Variants in NAT10 observed in about 807,000 individuals in gnomAD.
NAT10 encodes RNA cytidine acetyltransferase.
NAT10 carries 109 observed loss-of-function variants against 132.2 expected under a neutral mutation model. That is an observed-to-expected ratio of 0.82 (90% CI 0.71 to 0.97). NAT10 has a LOEUF of 0.97. Among genes scored for constraint, NAT10 ranks in the 50% least tolerant of loss-of-function variants. NAT10 has a pLI of 0.00. For missense variants in NAT10, 1,184 were observed against 1,263.4 expected (o/e 0.94, Z 0.95); for synonymous variants, 479 against 478.0 (o/e 1.00, Z -0.03).
chr11:34,132,012 C>T (rs1449053018), intron 14 of NAT10, 113 bp from the exon 15 acceptor site: 2 of 799,450 alleles, frequency 2.5e-6, no homozygotes. Flanking sequence ...TGTGTTTCTG[C>T]TTAGGACACT....
rs187394050 is a variant in NAT10 at position 34,140,065 on chromosome 11, C to A, written c.2420-335C>A. 8.5e-5 allele frequency among the ~76,000 whole-genome samples: 13 copies of A among 152,342 alleles called. No individual in the cohort carries two copies. The Middle Eastern group carries it at 0.01, about 120-fold the overall frequency. On this transcript the variant is annotated intron_variant, in intron 23 of 28. Transcript: ENST00000257829. ...TATCTTGAGCTGGGCAGAGCTTACA[C>A]ACTTTCTGTGACACCAAATGAAGTG...
chr11:34,110,799 A>G (rs1233632954), intron 3 of NAT10, among the ~76,000 whole-genome samples: 5 of 152,056 alleles, frequency 3.3e-5, no homozygotes, highest in Admixed American at 3.3e-4. Flanking sequence ...GATTCTGCCT[A>G]AAGGAAACCA....
At chr11:34,118,066 T>C in intron 6 of NAT10, 114 bp from the exon 7 acceptor site, 1 of 793,724 alleles carries the variant, frequency 1.3e-6, no homozygotes, top group Non-Finnish European at 2.0e-6. Context: ...TTTAGCTTTT[T>C]CTGGCTTTCT....
rs200149938 is a variant in NAT10 at position 34,146,162 on chromosome 11, A to T, written c.3048A>T (p.Lys1016Asn). The stretch of plus-strand genomic sequence containing the variant: ...TGAAGAACAGAGAGACAAAGAACAA[A>T]AAAGATATGAAACTGAAGCGGAAGA... ...KKLKNRETKN[K>N]KDMKLKRKK Residue 1016 changes from lysine (K) to asparagine (N), a missense_variant, in exon 29 of 29, where the codon AAA (lysine) becomes AAT (asparagine). Coordinates refer to ENST00000257829, the MANE Select transcript of NAT10 (RefSeq NM_024662.3). The T allele has an allele frequency of 2.6e-5, 42 of 1,608,934 alleles. No homozygotes were observed. The East Asian group carries it at 8.9e-4, about 34-fold the overall frequency.
At chr11:34,115,339 C>T (rs1481625595) in intron 5 of NAT10, among the ~76,000 whole-genome samples, 1 of 152,198 alleles carries the variant, frequency 6.6e-6, no homozygotes, top group Non-Finnish European at 1.5e-5. Flanking sequence ...TAGCTACCTA[C>T]TTACCCTTCA....
At chr11:34,134,195 C>T in intron 16 of NAT10, 124 bp from the exon 17 acceptor site, 1 of 777,728 alleles carries the variant, frequency 1.3e-6, no homozygotes, top group East Asian at 2.5e-5. Context: ...GTGTCAGTGT[C>T]AGGGTTAAAC....
At chr11:34,139,560 T>C in intron 23 of NAT10, 65 bp downstream of exon 23, 1 of 1,429,008 alleles carries the variant, frequency 7.0e-7, no homozygotes, top group South Asian at 1.2e-5. Context: ...GTGGGTGTGG[T>C]GTCCTAGGAA....
In NAT10 at chr11:34,131,480, TCAA is replaced by T; in HGVS notation, c.1472_1474del (p.Asn491del). 2.5e-6 allele frequency: 4 copies of T among 1,614,050 alleles called. No homozygotes were observed. Among genetic ancestry groups the T allele is most frequent in the Non-Finnish European group, 3.4e-6 (4 of 1,180,002 alleles). ...AATGACTTGCTGTGCCTGGATTGCCTCAACATCACTCGGATAGTCTCAGGCTGC... is the reference window on the plus strand; with the variant it reads ...AATGACTTGCTGTGCCTGGATTGCCTCATCACTCGGATAGTCTCAGGCTGC... On this transcript the variant is annotated inframe_deletion, in exon 14 of 29. Transcript: ENST00000257829.
intron 9 of NAT10, 131 bp downstream of exon 9, chr11:34,122,723 C>G: frequency 8.1e-7 from 1 of 1,235,124 alleles, no homozygotes; most frequent in Non-Finnish European, 1.1e-6. Flanking sequence ...TGTGATTTCT[C>G]TAGGTCTTGA....
At position 34,108,865 on chromosome 11, in the gene NAT10, C is replaced by A. The variant is rs1346112080; in HGVS notation, c.200+32C>A. On this transcript the variant is annotated intron_variant, in intron 3 of 28. Coordinates refer to ENST00000257829, the MANE Select transcript of NAT10 (RefSeq NM_024662.3). ...TGGGCTCTTCATGTGTTTTATCCAACTTACAATTCCTGCTCATTAGTTAAA... is the reference window on the plus strand; with the variant it reads ...TGGGCTCTTCATGTGTTTTATCCAAATTACAATTCCTGCTCATTAGTTAAA... The A allele has an allele frequency of 3.8e-6, 6 of 1,559,852 alleles. No individual in the cohort carries two copies. The African/African-American group carries it at 5.5e-5, about 14-fold the overall frequency.
At chr11:34,143,181 A>T (rs185998677) in intron 27 of NAT10, among the ~76,000 whole-genome samples, 2 of 152,298 alleles carry the variant, frequency 1.3e-5, no homozygotes, top group African/African-American at 4.8e-5. Context: ...CCTTCTGTGC[A>T]GGACTGTCCT....
At chr11:34,123,640 C>T in intron 9 of NAT10, 122 bp from the exon 10 acceptor site, 1 of 685,664 alleles carries the variant, frequency 1.5e-6, no homozygotes. Context: ...GACTTTTTCC[C>T]TTGCTGTTAC....
intron 3 of NAT10, 73 bp from the exon 4 acceptor site, chr11:34,111,979 C>T: frequency 6.4e-7 from 1 of 1,568,572 alleles, no homozygotes; most frequent in South Asian, 1.2e-5. Flanking sequence ...ATCACTGAGC[C>T]TTTCCCCTGG....
chr11:34,146,255 T>C lies in NAT10; in HGVS notation c.*63T>C. On this transcript the variant is annotated 3_prime_UTR_variant, in exon 29 of 29. Coordinates refer to ENST00000257829, the MANE Select transcript of NAT10 (RefSeq NM_024662.3). ...AGATACTCTCACTAACTGAACCCTC[T>C]CTGGCTGGACTGTTAAAAGCAACGA... The C allele has an allele frequency of 2.4e-6, 3 of 1,275,694 alleles. No homozygotes were observed. The highest frequency in any genetic ancestry group is 1.5e-5 in the African/African-American group (1 of 66,452). 79.0% of individuals were successfully genotyped at this position (1,275,694 alleles called of 1,614,324 possible). A position where few individuals can be genotyped will look rare whatever the true frequency, so the allele number is the denominator to read the frequency against.
At chr11:34,131,645 G>T in intron 14 of NAT10, 114 bp downstream of exon 14, 39 of 961,528 alleles carry the variant, frequency 4.1e-5, no homozygotes, top group South Asian at 8.1e-5. Flanking sequence ...GGGGAAAGTT[G>T]AACATTTTCA....
chr11:34,112,008 T>C (rs1380942202), intron 3 of NAT10, 44 bp from the exon 4 acceptor site: 2 of 1,608,078 alleles, frequency 1.2e-6, no homozygotes, highest in African/African-American at 2.7e-5. Context: ...CTTTAGCTGC[T>C]CTGGTTAACT....
intron 14 of NAT10, 123 bp from the exon 15 acceptor site, chr11:34,132,002 T>C: frequency 2.7e-6 from 2 of 747,696 alleles, no homozygotes; most frequent in East Asian, 2.5e-5. Context: ...CCTTCTTTTA[T>C]GTGTTTCTGC....
At chr11:34,134,691 G>A (rs1852177017) in intron 18 of NAT10, 105 bp downstream of exon 18, 1 of 918,886 alleles carries the variant, frequency 1.1e-6, no homozygotes, top group African/African-American at 1.7e-5. Context: ...AGCAAGTGAA[G>A]TGTAGGCACT....
chr11:34,145,110 C>T (rs1399589284), intron 28 of NAT10, among the ~76,000 whole-genome samples: 1 of 152,216 alleles, frequency 6.6e-6, no homozygotes, highest in Non-Finnish European at 1.5e-5. Flanking sequence ...GCCTTGAGCA[C>T]GGTGGCTTTG....
Sources: allele counts gnomAD v4.1 joint callset (sites outside exome capture counted in the v4.1 genomes callset), GRCh38; gene constraint gnomAD v4.1.1; transcripts MANE v1.5; gene names NCBI Gene and HGNC (gene_info 2026-07-23, HGNC 2026-07-21).